TBC1D8B: variants seen among roughly 807,000 people sequenced by gnomAD.
TBC1D8B encodes RP11-321G1.1.
A neutral mutation model predicts 82.9 loss-of-function variants in TBC1D8B; 75 were observed. That is an observed-to-expected ratio of 0.90 (90% CI 0.75 to 1.10). The LOEUF (loss-of-function observed/expected upper bound fraction) is 1.10, where lower values mean the gene tolerates loss of function less well. Ranked by LOEUF, TBC1D8B falls within the 50% of genes least tolerant of loss-of-function variation. The probability of loss-of-function intolerance (pLI) is 0.00; values close to 1 mark genes in which losing one functional copy is unlikely to be tolerated. For synonymous variants in TBC1D8B, 276 were observed against 276.8 expected (o/e 1.00, Z 0.03); for missense variants, 794 against 796.9 (o/e 1.00, Z 0.04).
At chrX:106,821,940 G>A (rs963172679) in intron 3 of TBC1D8B, 37 bp from the exon 4 acceptor site, 16 of 1,086,822 alleles carry the variant, frequency 1.5e-5, no homozygotes, top group Non-Finnish European at 2.0e-5. Flanking sequence ...TTTGTTGGTA[G>A]GTGATGAATT....
At chrX:106,832,884 G>A (rs905814048) in intron 7 of TBC1D8B, among the ~76,000 whole-genome samples, 1 of 110,904 alleles carries the variant, frequency 9.0e-6, no homozygotes, top group African/African-American at 3.3e-5. Context: ...TAAGAATAAG[G>A]TGCTTCCTAT....
At chrX:106,823,119 G>C (rs1193913593) in intron 4 of TBC1D8B, 107 bp from the exon 5 acceptor site, 1 of 875,527 alleles carries the variant, frequency 1.1e-6, no homozygotes, top group African/African-American at 2.0e-5. Flanking sequence ...TATTTTAGCT[G>C]TTTATAGTAT....
intron 19 of TBC1D8B, 135 bp from the exon 20 acceptor site, chrX:106,870,581 C>G: frequency 2.3e-6 from 1 of 432,896 alleles, no homozygotes; most frequent in Non-Finnish European, 4.0e-6. Context: ...AAGGTAATTT[C>G]AGATCATTTC....
At chrX:106,872,460 T>A (rs1214167875) in intron 20 of TBC1D8B, among the ~76,000 whole-genome samples, 4 of 2,039 alleles carry the variant, frequency 2.0e-3, no homozygotes, top group African/African-American at 2.3e-3. Context: ...AATATTTATA[T>A]ATATATATAT....
intron 1 of TBC1D8B, among the ~76,000 whole-genome samples, chrX:106,817,569 A>G (rs1462107362): frequency 9.0e-6 from 1 of 111,578 alleles, no homozygotes; most frequent in Non-Finnish European, 1.9e-5. Context: ...TGAAACAAAT[A>G]AGTTTCATGT....
intron 1 of TBC1D8B, among the ~76,000 whole-genome samples, chrX:106,808,959 C>T (rs1412744940): frequency 9.0e-6 from 1 of 110,940 alleles, no homozygotes; most frequent in African/African-American, 3.3e-5. Flanking sequence ...CCCAGGAGTT[C>T]GAGGCCAGCC....
intron 13 of TBC1D8B, 151 bp downstream of exon 13, chrX:106,853,801 A>G (rs371115345): frequency 1.8e-6 from 1 of 567,422 alleles, no homozygotes; most frequent in East Asian, 3.7e-5. Context: ...AGTTCTGTGA[A>G]CTGTTCTAGG....
chrX:106,851,071 C>T (rs1236942875), intron 12 of TBC1D8B, among the ~76,000 whole-genome samples: 2 of 111,942 alleles, frequency 1.8e-5, no homozygotes, highest in East Asian at 2.8e-4. Flanking sequence ...TCACCCATGC[C>T]CTCCTAATGC....
chrX:106,810,788 T>C (rs1056544156), intron 1 of TBC1D8B, among the ~76,000 whole-genome samples: 1 of 111,741 alleles, frequency 8.9e-6, no homozygotes, highest in African/African-American at 3.3e-5. Flanking sequence ...CCTCCCTCCC[T>C]GGAACATCTT....
In TBC1D8B at chrX:106,840,813, A is replaced by G. The variant is rs748451871; in HGVS notation, c.1648A>G (p.Thr550Ala). 1.7e-6 allele frequency: 2 copies of G among 1,211,276 alleles called. No individual in the cohort carries two copies. The change falls in exon 10 of 21, where the codon ACT becomes GCT. Residue 550 changes from threonine (T) to alanine (A), a missense_variant. Transcript: ENST00000357242. The part of the protein sequence containing the change: ...LPEHPAFQSD[T>A]GISALRRVLT... ...TGAGCACCCAGCCTTTCAGAGTGAT[A>G]CTGGCATATCTGCTCTGAGAAGGGT...
At chrX:106,814,233 A>C (rs1285794541) in intron 1 of TBC1D8B, 1 of 111,020 alleles carries the variant, frequency 9.0e-6, no homozygotes, top group African/African-American at 3.3e-5. Flanking sequence ...TATATGTGCC[A>C]CATTTTCTTA....
At chrX:106,816,876 C>T (rs1176945144) in intron 1 of TBC1D8B, among the ~76,000 whole-genome samples, 2 of 110,036 alleles carry the variant, frequency 1.8e-5, no homozygotes, top group Non-Finnish European at 3.8e-5. Context: ...TTCTAGTTTA[C>T]CTCCTTCTAT....
At chrX:106,834,383 T>C (rs1932118936) in intron 7 of TBC1D8B, among the ~76,000 whole-genome samples, 1 of 111,191 alleles carries the variant, frequency 9.0e-6, no homozygotes, top group Non-Finnish European at 1.9e-5. Flanking sequence ...TATCTCCACC[T>C]AGTCCTGCCC....
At chrX:106,834,392 C>T (rs866677147) in intron 7 of TBC1D8B, among the ~76,000 whole-genome samples, 1 of 111,038 alleles carries the variant, frequency 9.0e-6, no homozygotes, top group Admixed American at 9.6e-5. Context: ...CTAGTCCTGC[C>T]CTTGACACGT....
At chrX:106,854,973 G>A (rs1310735188) in intron 14 of TBC1D8B, among the ~76,000 whole-genome samples, 1 of 112,271 alleles carries the variant, frequency 8.9e-6, no homozygotes, top group Non-Finnish European at 1.9e-5. Flanking sequence ...TTAAATACTT[G>A]TCTTTTTAAT....
chrX:106,834,340 G>A (rs994902520), intron 7 of TBC1D8B, among the ~76,000 whole-genome samples: 1 of 110,991 alleles, frequency 9.0e-6, no homozygotes, highest in Non-Finnish European at 1.9e-5. Context: ...ACTATCATGA[G>A]AACAGCATGG....
At chrX:106,854,937 T>C (rs1034939538) in intron 14 of TBC1D8B, among the ~76,000 whole-genome samples, 2 of 112,373 alleles carry the variant, frequency 1.8e-5, no homozygotes, top group Non-Finnish European at 3.8e-5. Flanking sequence ...TTATTATCCT[T>C]GGATACCTAA....
Position 106,850,323 on chromosome X carries a change from C to A in TBC1D8B, c.2123+13C>A, listed in dbSNP as rs758288809. 3.4e-6 allele frequency: 4 copies of A among 1,164,542 alleles called. No homozygotes were observed. The Admixed American group carries it at 1.0e-4, about 29-fold the overall frequency. ...CAGCCTTAAACAGGTATTGTAAGAA[C>A]CATAACATTTAAATCTGGAGGAGAT... On this transcript the variant is annotated intron_variant, in intron 12 of 20. Transcript: ENST00000357242.
intron 19 of TBC1D8B, 47 bp downstream of exon 19, chrX:106,869,588 T>C: frequency 3.8e-6 from 4 of 1,048,438 alleles, no homozygotes; most frequent in Non-Finnish European, 5.3e-6. Context: ...GTTATTTTTA[T>C]GTAAATAAGG....
Sources: allele counts gnomAD v4.1 joint callset (sites outside exome capture counted in the v4.1 genomes callset), GRCh38; gene constraint gnomAD v4.1.1; transcripts MANE v1.5; gene names NCBI Gene and HGNC (gene_info 2026-07-23, HGNC 2026-07-21).